KLHL42: variants seen among roughly 807,000 people sequenced by gnomAD.
KLHL42 encodes the protein kelch-like protein 42.
KLHL42 carries 27 observed loss-of-function variants against 32.7 expected under a neutral mutation model. The ratio of observed to expected loss-of-function variants is 0.83; its 90% CI spans 0.61 to 1.14. The LOEUF (loss-of-function observed/expected upper bound fraction) is 1.14. Among genes scored for constraint, KLHL42 ranks in the 50% most tolerant of loss-of-function variants. The pLI, the probability that KLHL42 is intolerant of heterozygous loss-of-function variation, is 0.00. For missense variants in KLHL42, 491 were observed against 560.8 expected, an observed-to-expected ratio of 0.88 and a Z score of 1.26; for synonymous variants, 267 against 248.2, an observed-to-expected ratio of 1.08 and a Z score of -0.71.
At chr12:27,786,173 T>C (rs1317407005) in intron 1 of KLHL42, among the ~76,000 whole-genome samples, 6 of 152,244 alleles carry the variant, frequency 3.9e-5, no homozygotes, top group Non-Finnish European at 7.3e-5. Context: ...TTAAATTGTT[T>C]ATAAGTTTTG....
intron 1 of KLHL42, among the ~76,000 whole-genome samples, chr12:27,787,338 T>C (rs2062176738): frequency 6.6e-6 from 1 of 151,596 alleles, no homozygotes; most frequent in Non-Finnish European, 1.5e-5. Context: ...CTACTAATAA[T>C]ACAAAAATTA....
intron 2 of KLHL42, among the ~76,000 whole-genome samples, chr12:27,794,063 A>C (rs2062208977): frequency 6.6e-6 from 1 of 152,224 alleles, no homozygotes; most frequent in Admixed American, 6.5e-5. Context: ...CATCTGATTT[A>C]TTTCTTTTTA....
In KLHL42 at chr12:27,780,616, A is replaced by T. The variant is rs1313770112; in HGVS notation, c.286A>T (p.Met96Leu). 1 of 1,554,482 alleles carries T rather than the reference A, an allele frequency of 6.4e-7. No homozygotes were observed. Among genetic ancestry groups the T allele is most frequent in the Non-Finnish European group, 8.7e-7 (1 of 1,150,814 alleles). Residue 96 changes from methionine to leucine, a missense_variant, in exon 1 of 3, where the codon ATG becomes TTG. Met to Leu is a conservative substitution (Grantham distance 15, BLOSUM62 2). Around this residue, in one of 4 missense-constraint regions of KLHL42, gnomAD observed 248 missense variants for 329.2 expected, o/e 0.75. Coordinates refer to ENST00000381271, the MANE Select transcript of KLHL42 (RefSeq NM_020782.2). This position sits in a 1 kb window ranked among gnomAD's most constrained non-coding sequence, Gnocchi z 8.8. ...KGGGVDEDEE[M>L]DEVSLLSELV... ...CGGCGGGGTGGACGAGGACGAGGAG[A>T]TGGATGAGGTGAGCCTGCTGTCCGA...
rs1257833082 is a variant in KLHL42 at position 27,799,529 on chromosome 12, T to A, written c.*1363T>A. 6.6e-6 allele frequency: 1 copy of A among 152,250 alleles called. No homozygotes were observed. Among genetic ancestry groups the A allele is most frequent in the East Asian group, 1.9e-4 (1 of 5,204 alleles). The allele number at this position is 152,250 out of a possible 1,614,324, so 9.4% of individuals were successfully genotyped here. On this transcript the variant is annotated 3_prime_UTR_variant, in exon 3 of 3. Transcript: ENST00000381271. Reference sequence around the variant, plus strand: ...CCATTTCAGTTAGCATGTGCCTCACTTTAAGAAAGTCCTGTAGGGGAAAAA... The same window carrying A: ...CCATTTCAGTTAGCATGTGCCTCACATTAAGAAAGTCCTGTAGGGGAAAAA...
chr12:27,799,146 G>A lies in KLHL42; in HGVS notation c.*980G>A, dbSNP rs1464927238. 6.6e-6 allele frequency: 1 copy of A among 152,468 alleles called. No individual in the cohort carries two copies. Among genetic ancestry groups the A allele is most frequent in the East Asian group, 1.9e-4 (1 of 5,200 alleles). The allele number at this position is 152,468 out of a possible 1,614,324, so 9.4% of individuals were successfully genotyped here. A position where few individuals can be genotyped will look rare whatever the true frequency, so the allele number is the denominator to read the frequency against. On this transcript the variant is annotated 3_prime_UTR_variant, in exon 3 of 3. Transcript: ENST00000381271. ...ATTTAATCTTAGCTTTGTAATTCAT[G>A]TTTTGCTTTTGTGGACTAAGGTAAG...
At chr12:27,783,692 C>T (rs2062158590) in intron 1 of KLHL42, among the ~76,000 whole-genome samples, 1 of 152,164 alleles carries the variant, frequency 6.6e-6, no homozygotes, top group South Asian at 2.1e-4. Context: ...CGCCATTCTC[C>T]TGCCTCAGCC....
Position 27,798,336 on chromosome 12 carries a change from T to A in KLHL42, c.*170T>A, listed in dbSNP as rs2062229333. On this transcript the variant is annotated 3_prime_UTR_variant, in exon 3 of 3. Coordinates refer to ENST00000381271, the MANE Select transcript of KLHL42 (RefSeq NM_020782.2). ...CTTGAACTAATTACTTGAAAACTGG[T>A]GGAAAAAAGAGACCAACTTTGTTAT... 1.8e-6 allele frequency: 1 copy of A among 550,924 alleles called. No homozygotes were observed. The highest frequency in any genetic ancestry group is 3.2e-6 in the Non-Finnish European group (1 of 312,874). The allele number at this position is 550,924 out of a possible 1,614,324, so 34.1% of individuals were successfully genotyped here.
chr12:27,792,148 G>T, intron 2 of KLHL42: 1 of 290,082 alleles, frequency 3.4e-6, no homozygotes, highest in Non-Finnish European at 6.4e-6. Flanking sequence ...AAAAAAAAAT[G>T]TTATCTCTTT....
At position 27,798,702 on chromosome 12, in the gene KLHL42, C is replaced by CTTTTTTTTTTTTTT; in HGVS notation, c.*541_*542insTTTTTTTTTTTTTT. 6.6e-6 allele frequency: 1 copy of CTTTTTTTTTTTTTT among 151,982 alleles called. No homozygotes were observed. Among genetic ancestry groups the CTTTTTTTTTTTTTT allele is most frequent in the Non-Finnish European group, 1.5e-5 (1 of 68,416 alleles). 9.4% of individuals were successfully genotyped at this position (151,982 alleles called of 1,614,324 possible). A position where few individuals can be genotyped will look rare whatever the true frequency, so the allele number is the denominator to read the frequency against. On this transcript the variant is annotated 3_prime_UTR_variant, in exon 3 of 3. Coordinates refer to ENST00000381271, the MANE Select transcript of KLHL42 (RefSeq NM_020782.2). ...GTTCAGATATTTTGTTTGCACACTA[C>CTTTTTTTTTTTTTT]TTTTTAGGAAACTTATAATGATGGA...
chr12:27,797,622 C>T (rs2062224873), intron 2 of KLHL42, 93 bp from the exon 3 acceptor site: 4 of 653,992 alleles, frequency 6.1e-6, no homozygotes, highest in Non-Finnish European at 1.1e-5. Flanking sequence ...CTCTTTGTTA[C>T]CAAATTATGC....
rs935715950 is a variant in KLHL42 at position 27,799,448 on chromosome 12, G to A, written c.*1282G>A. The A allele has an allele frequency of 6.6e-6, 1 of 152,168 alleles. No individual in the cohort carries two copies. The highest frequency in any genetic ancestry group is 1.5e-5 in the Non-Finnish European group (1 of 68,042). The allele number at this position is 152,168 out of a possible 1,614,324, so 9.4% of individuals were successfully genotyped here. A position where few individuals can be genotyped will look rare whatever the true frequency, so the allele number is the denominator to read the frequency against. ...CTGAAATTATCTGATATTTTGTAAT[G>A]GCATCAGTTAAACTGTGAGCTGGAT... On this transcript the variant is annotated 3_prime_UTR_variant, in exon 3 of 3. Transcript: ENST00000381271.
At chr12:27,783,811 C>T (rs938506954) in intron 1 of KLHL42, among the ~76,000 whole-genome samples, 1 of 152,130 alleles carries the variant, frequency 6.6e-6, no homozygotes, top group Non-Finnish European at 1.5e-5. Context: ...GTCTCGATCT[C>T]CTGACCTCGT....
At position 27,787,494 on chromosome 12, in the gene KLHL42, CAA is replaced by C. The variant is rs552199790; in HGVS notation, c.873-4196_873-4195del. On this transcript the variant is annotated intron_variant, in intron 1 of 2. Coordinates refer to ENST00000381271, the MANE Select transcript of KLHL42 (RefSeq NM_020782.2). ...TGGGCAACAGAGTGAGACTTTGTCT[CAA>C]AAAAAAAAAAAAAAAAAGCTTGTGA... The C allele has an allele frequency of 2.3e-3, 265 of 113,426 alleles. 2 individuals are homozygous for C. The highest frequency in any genetic ancestry group is 8.9e-3 in the Middle Eastern group (2 of 224). 7.0% of individuals were successfully genotyped at this position (113,426 alleles called of 1,614,324 possible). A position where few individuals can be genotyped will look rare whatever the true frequency, so the allele number is the denominator to read the frequency against.
intron 1 of KLHL42, among the ~76,000 whole-genome samples, chr12:27,791,251 G>C (rs1244567417): frequency 6.6e-6 from 1 of 152,092 alleles, no homozygotes; most frequent in Admixed American, 6.6e-5. Flanking sequence ...CCTCGCACCT[G>C]CCTGTCTCGA....
chr12:27,797,999 A>G lies in KLHL42; in HGVS notation c.1351A>G (p.Ile451Val). The change falls in exon 3 of 3, where the codon ATC becomes GTC. Residue 451 changes from isoleucine (I) to valine (V), a missense_variant. Physicochemically the swap from Ile to Val is conservative, Grantham distance 29. Transcript: ENST00000381271. ...GACTTGTGCGCTCCATAACGACGGCATCTACATCATGAGCAGAGACGTCAC... is the reference window on the plus strand; with the variant it reads ...GACTTGTGCGCTCCATAACGACGGCGTCTACATCATGAGCAGAGACGTCAC... Reference protein sequence around the residue: ...NLTCALHNDGIYIMSRDVTLS... With the variant: ...NLTCALHNDGVYIMSRDVTLS... The G allele has an allele frequency of 3.8e-6, 3 of 781,080 alleles. No homozygotes were observed. In the South Asian group the frequency reaches 4.0e-5, roughly 10 times the overall value. 48.4% of individuals were successfully genotyped at this position (781,080 alleles called of 1,614,324 possible).
intron 1 of KLHL42, among the ~76,000 whole-genome samples, chr12:27,781,822 G>A (rs1353583519): frequency 2.0e-5 from 3 of 152,160 alleles, no homozygotes; most frequent in Admixed American, 1.3e-4. Context: ...TACAGAATTG[G>A]AATATTTTCA....
rs556684089 is a variant in KLHL42 at position 27,796,499 on chromosome 12, A to G, written c.1067-1216A>G. Among the ~76,000 whole-genome samples, 23 of 148,800 alleles carry G rather than the reference A, an allele frequency of 1.5e-4. No homozygotes were observed. The Admixed American group carries it at 1.6e-3, about 10-fold the overall frequency. On this transcript the variant is annotated intron_variant, in intron 2 of 2. Transcript: ENST00000381271. Reference sequence around the variant, plus strand: ...AGCATTTGTTTTTTCTGCTGAGGCTAAAATACTTGTTTATTCTTTCCTAGA... The same window carrying G: ...AGCATTTGTTTTTTCTGCTGAGGCTGAAATACTTGTTTATTCTTTCCTAGA...
intron 1 of KLHL42, among the ~76,000 whole-genome samples, chr12:27,790,632 T>C (rs551693664): frequency 6.6e-6 from 1 of 152,378 alleles, no homozygotes; most frequent in South Asian, 2.1e-4. Flanking sequence ...TTTCTGAATA[T>C]AGAGCTGGAA....
intron 2 of KLHL42, among the ~76,000 whole-genome samples, chr12:27,793,266 G>C (rs2062205096): frequency 6.6e-6 from 1 of 151,898 alleles, no homozygotes. Flanking sequence ...TTAGCTGGAT[G>C]TGGTGTCATG....
Sources: gnomAD v4.1 joint callset for allele counts (sites outside exome capture counted in the v4.1 genomes callset) on GRCh38, gnomAD v4.1.1 for gene constraint, gnomAD v4.1.1 regional missense constraint, Gnocchi (gnomAD v3.1) non-coding constraint, MANE v1.5 for transcripts, NCBI Gene and HGNC (gene_info 2026-07-23, HGNC 2026-07-21) for gene names.